DLGAP2: variants seen among roughly 807,000 people sequenced by gnomAD.
The protein encoded by DLGAP2 is disks large-associated protein 2.
A neutral mutation model predicts 100.3 loss-of-function variants in DLGAP2; 26 were observed. That is an observed-to-expected ratio of 0.26 (90% CI 0.19 to 0.36). The LOEUF is 0.36. Among genes scored for constraint, DLGAP2 ranks in the 10% least tolerant of loss-of-function variants. DLGAP2 has a pLI of 1.00. For synonymous variants in DLGAP2, 886 were observed against 630.1 expected (o/e 1.41, Z -6.08); for missense variants, 1,858 against 1,453.2 (o/e 1.28, Z -4.53).
chr8:1,458,897 C>G (rs953245550), intron 3 of DLGAP2, among the ~76,000 whole-genome samples: 2 of 152,208 alleles, frequency 1.3e-5, no homozygotes, highest in Non-Finnish European at 2.9e-5. Context: ...GCTAGGGCCT[C>G]TGGCCACTCA....
intron 8 of DLGAP2, among the ~76,000 whole-genome samples, chr8:1,659,650 G>C (rs1182654383): frequency 6.6e-6 from 1 of 152,136 alleles, no homozygotes; most frequent in Non-Finnish European, 1.5e-5. Context: ...TTTTATCAGA[G>C]AGTAGGAGTG....
At chr8:1,376,836 G>A (rs1407784580) in intron 3 of DLGAP2, among the ~76,000 whole-genome samples, 3 of 151,978 alleles carry the variant, frequency 2.0e-5, no homozygotes, top group Non-Finnish European at 4.4e-5. Context: ...GCTACTGCAA[G>A]CGTATTTGGC....
At chr8:821,584 C>T (rs1315099135) in intron 1 of DLGAP2, among the ~76,000 whole-genome samples, 1 of 152,188 alleles carries the variant, frequency 6.6e-6, no homozygotes, top group Non-Finnish European at 1.5e-5. Flanking sequence ...CATCTGGGTA[C>T]ATAGCATTTT....
chr8:1,254,391 T>G (rs4976868), intron 2 of DLGAP2, among the ~76,000 whole-genome samples: 134,279 of 152,036 alleles, frequency 0.88, 59,411 homozygotes, highest in African/African-American at 0.94. Flanking sequence ...TTCACTCCGT[T>G]TTCCTGAGTG....
chr8:1,644,016 CCCCGCCGGCCCTCACCTGTGTCACCCTCG>C lies in DLGAP2; in HGVS notation c.1810+10971_1810+10999del, dbSNP rs1797976989. 1.3e-3 allele frequency among the ~76,000 whole-genome samples: 30 copies of C among 22,380 alleles called. 3 individuals carry two copies. The highest frequency in any genetic ancestry group is 2.9e-3 in the South Asian group (1 of 342). The allele number at this position is 22,380 out of a possible 152,430, so 14.7% of individuals were successfully genotyped here. A position where few individuals can be genotyped will look rare whatever the true frequency, so the allele number is the denominator to read the frequency against. ...CGGTCCTCACCTGTGTCACCCTCGA[CCCCGCCGGCCCTCACCTGTGTCACCCTCG>C]AACCCGCCGGTCCTCACCTGTGTCA... is the stretch of plus-strand genomic sequence containing the variant. On this transcript the variant is annotated intron_variant, in intron 8 of 14. Transcript: ENST00000637795.
intron 6 of DLGAP2, among the ~76,000 whole-genome samples, chr8:1,610,069 A>G (rs1796945644): frequency 6.6e-6 from 1 of 151,330 alleles, no homozygotes; most frequent in Non-Finnish European, 1.5e-5. Context: ...CTCCACCCCA[A>G]ATCAACAGAA....
chr8:1,176,703 T>G (rs917093308), intron 2 of DLGAP2, among the ~76,000 whole-genome samples: 1 of 152,108 alleles, frequency 6.6e-6, no homozygotes, highest in African/African-American at 2.4e-5. Flanking sequence ...GGGCTCCGTC[T>G]GCCATGCTGC....
intron 1 of DLGAP2, among the ~76,000 whole-genome samples, chr8:903,278 T>C (rs1798300062): frequency 6.6e-6 from 1 of 152,116 alleles, no homozygotes; most frequent in Non-Finnish European, 1.5e-5. Flanking sequence ...TAGCTGGGTT[T>C]GGCTGTAGGA....
chr8:1,349,864 C>T (rs966386739), intron 3 of DLGAP2, among the ~76,000 whole-genome samples: 1 of 152,250 alleles, frequency 6.6e-6, no homozygotes, highest in Non-Finnish European at 1.5e-5. Flanking sequence ...TTCTGTACCT[C>T]AGTTACATTG....
chr8:956,264 C>T (rs767135864), intron 2 of DLGAP2, among the ~76,000 whole-genome samples: 1 of 152,200 alleles, frequency 6.6e-6, no homozygotes, highest in Non-Finnish European at 1.5e-5. Context: ...TGAAGACTTG[C>T]AGCCGACAAG....
intron 6 of DLGAP2, among the ~76,000 whole-genome samples, chr8:1,585,537 G>A (rs116959562): frequency 1.8e-3 from 269 of 152,288 alleles, no homozygotes; most frequent in Non-Finnish European, 3.1e-3. Context: ...CTTTTATGGC[G>A]AACTGCAACT....
intron 2 of DLGAP2, among the ~76,000 whole-genome samples, chr8:1,008,595 C>T (rs1036847398): frequency 6.6e-6 from 1 of 152,200 alleles, no homozygotes; most frequent in African/African-American, 2.4e-5. Flanking sequence ...ATCTTAAATG[C>T]TTAGAGCTGC....
chr8:1,592,882 T>C (rs935868950), intron 6 of DLGAP2, among the ~76,000 whole-genome samples: 1 of 152,194 alleles, frequency 6.6e-6, no homozygotes, highest in African/African-American at 2.4e-5. Context: ...GCAGTTACAC[T>C]AGCATTTTAG....
At chr8:1,309,293 A>C (rs1800560395) in intron 3 of DLGAP2, among the ~76,000 whole-genome samples, 1 of 152,246 alleles carries the variant, frequency 6.6e-6, no homozygotes, top group Non-Finnish European at 1.5e-5. Context: ...AGAGATTTGC[A>C]AAAGACATGT....
intron 6 of DLGAP2, among the ~76,000 whole-genome samples, chr8:1,582,083 C>T (rs1803292175): frequency 6.6e-6 from 1 of 150,930 alleles, no homozygotes; most frequent in Admixed American, 6.6e-5. Context: ...ACAGACAAAA[C>T]CCCGCACACA....
chr8:1,390,654 C>T (rs1434383778), intron 3 of DLGAP2, among the ~76,000 whole-genome samples: 1 of 152,158 alleles, frequency 6.6e-6, no homozygotes, highest in Non-Finnish European at 1.5e-5. Context: ...CCTCTCACCT[C>T]CATTGAGCCG....
chr8:1,251,888 C>G (rs1799048758), intron 2 of DLGAP2, among the ~76,000 whole-genome samples: 1 of 152,224 alleles, frequency 6.6e-6, no homozygotes, highest in Admixed American at 6.5e-5. Context: ...TGTCCTGTAC[C>G]CACGTCACAG....
intron 3 of DLGAP2, among the ~76,000 whole-genome samples, chr8:1,325,348 C>T (rs1011073586): frequency 1.3e-5 from 2 of 152,168 alleles, no homozygotes; most frequent in South Asian, 2.1e-4. Context: ...CCTGTGTGTC[C>T]AGCCATCTGC....
chr8:1,033,869 C>T (rs867794882), intron 2 of DLGAP2, among the ~76,000 whole-genome samples: 1 of 92,268 alleles, frequency 1.1e-5, no homozygotes, highest in Non-Finnish European at 2.2e-5. Flanking sequence ...GGGTTCACAG[C>T]CTCATCCCGA....
Sources: allele counts gnomAD v4.1 joint callset (sites outside exome capture counted in the v4.1 genomes callset), GRCh38; gene constraint gnomAD v4.1.1; transcripts MANE v1.5; gene names NCBI Gene and HGNC (gene_info 2026-07-23, HGNC 2026-07-21).